SWT1: variants seen among roughly 807,000 people sequenced by gnomAD.
SWT1 encodes SWT1 RNA endoribonuclease homolog, also known as transcriptional protein SWT1.
In SWT1, 33 loss-of-function variants were observed where a neutral mutation model predicts 107.3. The ratio of observed to expected loss-of-function variants is 0.31; its 90% CI spans 0.23 to 0.41. The LOEUF (loss-of-function observed/expected upper bound fraction) is 0.41. SWT1 is among the 10% of genes least tolerant of loss of function. The pLI, the probability that SWT1 is intolerant of heterozygous loss-of-function variation, is 1.00. For synonymous variants in SWT1, 345 were observed against 348.3 expected (o/e 0.99, Z 0.11); for missense variants, 898 against 1,028.9 (o/e 0.87, Z 1.74).
intron 17 of SWT1, 34 bp downstream of exon 17, chr1:185,271,423 T>C (rs755932906): frequency 3.7e-5 from 41 of 1,116,924 alleles, no homozygotes; most frequent in Non-Finnish European, 5.1e-5. Context: ...TTATCACATT[T>C]CTACTTTAAA....
intron 4 of SWT1, among the ~76,000 whole-genome samples, chr1:185,169,160 C>G (rs1654833921): frequency 6.6e-6 from 1 of 152,142 alleles, no homozygotes; most frequent in Admixed American, 6.5e-5. Context: ...GAATCATCTC[C>G]TGATACTTTG....
rs139516173 is a variant in SWT1, at chr1:185,230,730, T to TTGTG, written c.2310-827_2310-824dup. Among the ~76,000 whole-genome samples the TTGTG allele has an allele frequency of 2.2e-3, 322 of 149,450 alleles. 3 individuals carry two copies. The highest frequency in any genetic ancestry group is 0.013 in the Admixed American group (198 of 14,932). On this transcript the variant is annotated intron_variant, in intron 15 of 18. Transcript: ENST00000367500. ...AGCATCATTTTAATAGTTTGGTGTT[T>TTGTG]TGTGTGTGTGTGTGTGTGTGTGTTT...
intron 3 of SWT1, 56 bp downstream of exon 3, chr1:185,166,708 A>C: frequency 8.7e-7 from 1 of 1,144,400 alleles, no homozygotes; most frequent in Non-Finnish European, 1.3e-6. Context: ...TTTAATCGAC[A>C]GTGTTTGTGA....
chr1:185,175,215 T>G (rs6696591), intron 5 of SWT1, 102 bp downstream of exon 5: 306,062 of 952,014 alleles, frequency 0.32, 38,130 homozygotes, highest in African/African-American at 0.66. Flanking sequence ...TTTTTTTTTT[T>G]TTGTTGTTGT....
chr1:185,169,120 C>G (rs997717582), intron 4 of SWT1, among the ~76,000 whole-genome samples: 1 of 152,118 alleles, frequency 6.6e-6, no homozygotes, highest in Admixed American at 6.5e-5. Flanking sequence ...AAATTCAACT[C>G]GCCTCTGTCT....
chr1:185,184,694 T>C (rs1174360558), intron 8 of SWT1, 49 bp from the exon 9 acceptor site: 2 of 1,462,504 alleles, frequency 1.4e-6, no homozygotes, highest in Non-Finnish European at 1.9e-6. Flanking sequence ...TTCCATTTAG[T>C]AGCTCAATAA....
At chr1:185,230,891 G>T (rs1660462280) in intron 15 of SWT1, among the ~76,000 whole-genome samples, 1 of 152,128 alleles carries the variant, frequency 6.6e-6, no homozygotes, top group South Asian at 2.1e-4. Flanking sequence ...GGGACTACAG[G>T]CAGTGCCACC....
chr1:185,209,854 A>G (rs35723437), intron 13 of SWT1, among the ~76,000 whole-genome samples: 1 of 152,128 alleles, frequency 6.6e-6, no homozygotes, highest in African/African-American at 2.4e-5. Flanking sequence ...GTGTAAAAGC[A>G]TTCCTATTTC....
intron 16 of SWT1, among the ~76,000 whole-genome samples, chr1:185,269,502 T>C (rs1490668848): frequency 6.6e-6 from 1 of 152,092 alleles, no homozygotes; most frequent in African/African-American, 2.4e-5. Context: ...CAAGGGACCT[T>C]TAAAAATTTG....
chr1:185,199,914 TC>T (rs1360009632), intron 10 of SWT1, among the ~76,000 whole-genome samples: 2 of 152,182 alleles, frequency 1.3e-5, no homozygotes, highest in Non-Finnish European at 2.9e-5. Flanking sequence ...TTCACATAGT[TC>T]CATATTTCCT....
intron 17 of SWT1, among the ~76,000 whole-genome samples, chr1:185,272,023 C>A (rs182695662): frequency 1.3e-5 from 2 of 152,348 alleles, no homozygotes; most frequent in Non-Finnish European, 2.9e-5. Flanking sequence ...CCCTATACAT[C>A]AGGTACTAAA....
chr1:185,179,023 C>G (rs1655807580), intron 5 of SWT1, among the ~76,000 whole-genome samples: 1 of 152,154 alleles, frequency 6.6e-6, no homozygotes, highest in African/African-American at 2.4e-5. Context: ...ATAATCCCAG[C>G]ACTTTGGGAG....
intron 10 of SWT1, among the ~76,000 whole-genome samples, chr1:185,197,236 A>G (rs915293871): frequency 1.3e-5 from 2 of 151,986 alleles, no homozygotes; most frequent in African/African-American, 2.4e-5. Flanking sequence ...GGTTTTTGTC[A>G]TTGGTTCTGT....
intron 15 of SWT1, among the ~76,000 whole-genome samples, chr1:185,228,964 A>C (rs988187492): frequency 3.9e-5 from 6 of 152,182 alleles, no homozygotes; most frequent in Non-Finnish European, 8.8e-5. Flanking sequence ...GAGTAGGAGG[A>C]GATGAAGTAG....
chr1:185,214,407 ACT>A (rs1659059524), intron 13 of SWT1, 98 bp from the exon 14 acceptor site: 3 of 886,976 alleles, frequency 3.4e-6, no homozygotes, highest in Non-Finnish European at 5.2e-6. Context: ...ATAAATGTAT[ACT>A]CTTTTTAAAT....
rs878959773 is a variant in SWT1, at chr1:185,175,192, A to T, written c.966+79A>T. The T allele has an allele frequency of 1.6e-4, 164 of 1,051,458 alleles. 1 individual carries two copies. The East Asian group carries it at 2.3e-3, about 15-fold the overall frequency. 65.1% of individuals were successfully genotyped at this position (1,051,458 alleles called of 1,614,324 possible). A position where few individuals can be genotyped will look rare whatever the true frequency, so the allele number is the denominator to read the frequency against. Reference sequence around the variant, plus strand: ...AGTTAAGTTTTTTCTGTATTTCTATATTTTTTTCTGTTTTTTTTTTTTTTT... The same window carrying T: ...AGTTAAGTTTTTTCTGTATTTCTATTTTTTTTTCTGTTTTTTTTTTTTTTT... On this transcript the variant is annotated intron_variant, in intron 5 of 18. Coordinates refer to ENST00000367500, the MANE Select transcript of SWT1 (RefSeq NM_017673.7).
chr1:185,223,886 G>C (rs1443606232), intron 15 of SWT1, among the ~76,000 whole-genome samples: 1 of 152,086 alleles, frequency 6.6e-6, no homozygotes, highest in Non-Finnish European at 1.5e-5. Flanking sequence ...ACTTATAAGT[G>C]AGCACAAGCG....
chr1:185,167,444 TGTG>T (rs1255362481), intron 3 of SWT1, among the ~76,000 whole-genome samples: 17 of 152,230 alleles, frequency 1.1e-4, no homozygotes, highest in Admixed American at 7.9e-4. Flanking sequence ...GCTACATAGT[TGTG>T]GTGGGTATAA....
intron 16 of SWT1, among the ~76,000 whole-genome samples, chr1:185,259,519 TACATC>T (rs1306665113): frequency 6.6e-6 from 1 of 152,170 alleles, no homozygotes; most frequent in African/African-American, 2.4e-5. Context: ...ATGAGGCTGA[TACATC>T]AGAATGCCCA....
Sources: gnomAD v4.1 joint callset for allele counts (sites outside exome capture counted in the v4.1 genomes callset) on GRCh38, gnomAD v4.1.1 for gene constraint, MANE v1.5 for transcripts, NCBI Gene and HGNC (gene_info 2026-07-23, HGNC 2026-07-21) for gene names.